The following EFCAB5 variants were observed in gnomAD, a reference collection of about 807,000 sequenced individuals.
The protein encoded by EFCAB5 is EF-hand calcium binding domain 5.
A neutral mutation model predicts 167.9 loss-of-function variants in EFCAB5; 131 were observed. The ratio of observed to expected loss-of-function variants is 0.78; its 90% CI spans 0.68 to 0.90. The LOEUF is 0.90. EFCAB5 is among the 40% of genes least tolerant of loss of function. EFCAB5 has a pLI of 0.00. For missense variants in EFCAB5, 1,663 were observed against 1,745.2 expected, an observed-to-expected ratio of 0.95 and a Z score of 0.84; for synonymous variants, 574 against 602.8, an observed-to-expected ratio of 0.95 and a Z score of 0.70.
chr17:30,052,008 G>T (rs553937144), intron 9 of EFCAB5, among the ~76,000 whole-genome samples: 3 of 151,236 alleles, frequency 2.0e-5, no homozygotes, highest in East Asian at 1.9e-4. Flanking sequence ...TCAGAGATGG[G>T]GTCTTGCTAT....
chr17:29,941,848 C>T lies in EFCAB5; in HGVS notation c.42+10C>T, dbSNP rs780386209. The T allele has an allele frequency of 1.3e-6, 2 of 1,599,322 alleles. No individual in the cohort carries two copies. Among genetic ancestry groups the T allele is most frequent in the Non-Finnish European group, 1.7e-6 (2 of 1,171,894 alleles). ...ACTCAGACCTGCTCAGGTTCTTGTCCTACATAGGTTTATCACATTTATGGG... is the reference window on the plus strand; with the variant it reads ...ACTCAGACCTGCTCAGGTTCTTGTCTTACATAGGTTTATCACATTTATGGG... On this transcript the variant is annotated intron_variant, in intron 1 of 22. Transcript: ENST00000394835.
chr17:30,080,379 ATGGC>A, intron 16 of EFCAB5, 138 bp downstream of exon 16: 2 of 874,070 alleles, frequency 2.3e-6, no homozygotes, highest in Non-Finnish European at 1.7e-6. Context: ...GTAGAAGCTG[ATGGC>A]TTCCAGTCCT....
At chr17:29,988,078 A>G (rs1471676596) in intron 4 of EFCAB5, among the ~76,000 whole-genome samples, 1 of 152,224 alleles carries the variant, frequency 6.6e-6, no homozygotes, top group African/African-American at 2.4e-5. Context: ...CAGGTAATGC[A>G]AGTATCTGTG....
At chr17:29,989,784 T>G (rs1270711625) in intron 4 of EFCAB5, among the ~76,000 whole-genome samples, 1 of 152,242 alleles carries the variant, frequency 6.6e-6, no homozygotes, top group Non-Finnish European at 1.5e-5. Flanking sequence ...TTCTCTTTAC[T>G]TAGTGGCCAT....
intron 4 of EFCAB5, among the ~76,000 whole-genome samples, chr17:29,970,833 G>T (rs1002743982): frequency 6.6e-6 from 1 of 152,142 alleles, no homozygotes; most frequent in African/African-American, 2.4e-5. Flanking sequence ...CCAGCACTTT[G>T]GGAGGCCAAG....
Position 30,068,571 on chromosome 17 carries a change from G to A in EFCAB5, c.2737+8870G>A, listed in dbSNP as rs112671937. ...ATATTGTGAAAATGACCATACTACC[G>A]CTGTCACCAGCTGCTGACATGGGCA... On this transcript the variant is annotated intron_variant, in intron 14 of 22. Transcript: ENST00000394835. 1,204 of 911,334 alleles carry A rather than the reference G, an allele frequency of 1.3e-3. 1 individual carries two copies. Among genetic ancestry groups the A allele is most frequent in the Non-Finnish European group, 1.8e-3 (1,096 of 609,794 alleles). 56.5% of individuals were successfully genotyped at this position (911,334 alleles called of 1,614,324 possible).
At chr17:30,094,775 A>G (rs1237780901) in intron 22 of EFCAB5, among the ~76,000 whole-genome samples, 1 of 152,176 alleles carries the variant, frequency 6.6e-6, no homozygotes, top group Non-Finnish European at 1.5e-5. Flanking sequence ...GTCATCTGTG[A>G]AGTAACATTG....
chr17:30,102,557 T>C (rs56280226), intron 22 of EFCAB5, among the ~76,000 whole-genome samples: 59,413 of 151,824 alleles, frequency 0.39, 13,859 homozygotes, highest in East Asian at 0.81. Flanking sequence ...TTTTTCTTTT[T>C]CTTTTCTTCT....
At chr17:30,085,727 A>AG (rs1370827075) in intron 18 of EFCAB5, among the ~76,000 whole-genome samples, 6 of 150,740 alleles carry the variant, frequency 4.0e-5, no homozygotes, top group Non-Finnish European at 7.4e-5. Context: ...CTCAAAAAAA[A>AG]AAAAAAAAAA....
intron 14 of EFCAB5, among the ~76,000 whole-genome samples, chr17:30,067,912 G>T (rs1394624037): frequency 6.6e-6 from 1 of 152,196 alleles, no homozygotes; most frequent in Non-Finnish European, 1.5e-5. Flanking sequence ...GTTTGCAGAT[G>T]ACATGATCTT....
intron 7 of EFCAB5, among the ~76,000 whole-genome samples, chr17:30,004,207 AC>A (rs1408479221): frequency 1.3e-5 from 2 of 152,208 alleles, no homozygotes; most frequent in African/African-American, 4.8e-5. Flanking sequence ...CCCAGGCAAG[AC>A]CCTGTGCAAG....
chr17:30,076,266 CA>C (rs1215957947), intron 14 of EFCAB5, among the ~76,000 whole-genome samples: 13 of 152,314 alleles, frequency 8.5e-5, no homozygotes, highest in African/African-American at 3.1e-4. Context: ...CCTAATCATT[CA>C]ATCAAAAAGT....
chr17:30,089,455 T>C (rs2071152811), intron 19 of EFCAB5, among the ~76,000 whole-genome samples: 1 of 152,004 alleles, frequency 6.6e-6, no homozygotes. Context: ...TACAAATACC[T>C]TAAAGAAATG....
At chr17:30,056,792 C>G (rs1171981742) in intron 12 of EFCAB5, among the ~76,000 whole-genome samples, 1 of 152,194 alleles carries the variant, frequency 6.6e-6, no homozygotes, top group African/African-American at 2.4e-5. Context: ...CCTCAAATAA[C>G]AAACTTTCTA....
In EFCAB5 at chr17:30,108,023, G is replaced by A; in HGVS notation, c.4511G>A (p.Ter1504=). 6.2e-7 allele frequency: 1 copy of A among 1,601,328 alleles called. No homozygotes were observed. Among genetic ancestry groups the A allele is most frequent in the Non-Finnish European group, 8.5e-7 (1 of 1,176,468 alleles). ...CCAGGGGAAGGTTTGCAAGAGAAGT[G>A]ATAATGGATGATAATGGAATTGATA... ...KMPGEGLQEK[*] The change falls in exon 23 of 23, where the codon TGA becomes TAA. Residue 1504 remains the stop codon, a stop_retained_variant. Transcript: ENST00000394835.
chr17:30,048,791 A>C (rs993217820), intron 8 of EFCAB5, among the ~76,000 whole-genome samples: 3 of 152,150 alleles, frequency 2.0e-5, no homozygotes, highest in African/African-American at 7.2e-5. Context: ...CCCAGCCTAC[A>C]TCTTGAAGAA....
At chr17:29,957,970 C>A (rs1336494954) in intron 3 of EFCAB5, among the ~76,000 whole-genome samples, 2 of 152,136 alleles carry the variant, frequency 1.3e-5, no homozygotes, top group African/African-American at 4.8e-5. Context: ...AAAAGTGTTC[C>A]TATTTCTCCA....
chr17:30,105,316 G>A (rs185959930), intron 22 of EFCAB5, among the ~76,000 whole-genome samples: 1 of 151,846 alleles, frequency 6.6e-6, no homozygotes, highest in Non-Finnish European at 1.5e-5. Context: ...ATGAAACCCC[G>A]TCTCTACCAA....
intron 9 of EFCAB5, among the ~76,000 whole-genome samples, chr17:30,052,109 G>C (rs531934357): frequency 3.3e-5 from 5 of 151,966 alleles, no homozygotes; most frequent in South Asian, 2.1e-4. Flanking sequence ...GTGCCACTGT[G>C]GTCAGTTTAT....
Sources: gnomAD v4.1 joint callset for allele counts (sites outside exome capture counted in the v4.1 genomes callset) on GRCh38, gnomAD v4.1.1 for gene constraint, MANE v1.5 for transcripts, NCBI Gene and HGNC (gene_info 2026-07-23, HGNC 2026-07-21) for gene names.